PLEKHA6: variants seen among roughly 807,000 people sequenced by gnomAD.
PLEKHA6 encodes pleckstrin homology domain-containing family A member 6.
PLEKHA6 carries 60 observed loss-of-function variants against 116.7 expected under a neutral mutation model. That is an observed-to-expected ratio of 0.51 (90% confidence interval 0.42 to 0.64). PLEKHA6 has a LOEUF of 0.64. PLEKHA6 is among the 30% of genes least tolerant of loss of function. The pLI is 0.00. For synonymous variants in PLEKHA6, 489 were observed against 556.1 expected, an observed-to-expected ratio of 0.88 and a Z score of 1.70; for missense variants, 1,338 against 1,422.7, an observed-to-expected ratio of 0.94 and a Z score of 0.96.
intron 1 of PLEKHA6, among the ~76,000 whole-genome samples, chr1:204,338,163 T>C (rs1672719104): frequency 1.3e-5 from 2 of 152,228 alleles, no homozygotes; most frequent in Non-Finnish European, 2.9e-5. Context: ...GACCCAACTA[T>C]GTCACTGTGC....
chr1:204,275,196 G>A (rs1667874721), intron 1 of PLEKHA6, among the ~76,000 whole-genome samples: 1 of 152,002 alleles, frequency 6.6e-6, no homozygotes, highest in Admixed American at 6.5e-5. Flanking sequence ...CTGCCAGTGA[G>A]CCACATAAAA....
intron 1 of PLEKHA6, among the ~76,000 whole-genome samples, chr1:204,344,354 C>T (rs1172988249): frequency 2.0e-5 from 3 of 152,092 alleles, no homozygotes; most frequent in Non-Finnish European, 2.9e-5. Flanking sequence ...AATCCTAGCA[C>T]TTTGGGAGGC....
At chr1:204,342,990 T>C (rs1672900047) in intron 1 of PLEKHA6, among the ~76,000 whole-genome samples, 1 of 152,208 alleles carries the variant, frequency 6.6e-6, no homozygotes, top group African/African-American at 2.4e-5. Flanking sequence ...TGAGAGTTCA[T>C]GTGTGTTTGG....
intron 1 of PLEKHA6, among the ~76,000 whole-genome samples, chr1:204,291,458 C>T (rs1019872941): frequency 1.3e-5 from 2 of 152,208 alleles, no homozygotes; most frequent in Non-Finnish European, 2.9e-5. Context: ...CATATGTCCA[C>T]ACAACGACTT....
intron 1 of PLEKHA6, among the ~76,000 whole-genome samples, chr1:204,342,769 T>C (rs1343818273): frequency 6.6e-6 from 1 of 152,172 alleles, no homozygotes; most frequent in Middle Eastern, 3.4e-3. Context: ...GGAGCTAGAG[T>C]TGGAGGTAAG....
chr1:204,251,251 G>A (rs546026649), intron 9 of PLEKHA6, among the ~76,000 whole-genome samples: 100 of 152,286 alleles, frequency 6.6e-4, no homozygotes, highest in Non-Finnish European at 1.0e-3. Flanking sequence ...ATATGAAATC[G>A]AAATCAGAAC....
rs536128190 is a variant in PLEKHA6, at chr1:204,273,938, T to C, written c.-13-198A>G. Among the ~76,000 whole-genome samples the C allele has an allele frequency of 5.9e-5, 9 of 152,216 alleles. No homozygotes were observed. The South Asian group carries it at 1.9e-3, about 32-fold the overall frequency. On this transcript the variant is annotated intron_variant, in intron 2 of 22. Transcript: ENST00000272203. ...TATGTCAGGGATCTTGGACATTTAT[T>C]TTATTTATTTTTTGAGACAGGGTCT...
chr1:204,316,294 A>G (rs1373957856), intron 1 of PLEKHA6, among the ~76,000 whole-genome samples: 2 of 152,150 alleles, frequency 1.3e-5, no homozygotes, highest in Non-Finnish European at 2.9e-5. Context: ...TTGGGTAAGA[A>G]CCTGACTTTC....
chr1:204,360,393 CA>C (rs1360789242), upstream of PLEKHA6, among the ~76,000 whole-genome samples: 2 of 149,568 alleles, frequency 1.3e-5, no homozygotes, highest in African/African-American at 2.4e-5. Flanking sequence ...GCCCCCCCCC[CA>C]ATATGGTGAA....
chr1:204,257,776 T>C lies in PLEKHA6; in HGVS notation c.1101A>G (p.Pro367=), dbSNP rs1355972340. The stretch of plus-strand genomic sequence containing the variant: ...AACAGATGCTCTCCGGCCGCACTCC[T>C]GGCGGGTAGTACTGATAATCATCGG... ...QYPDDYQYYP[P]GVRPESICSM... The change falls in exon 9 of 23, where the codon CCA becomes CCG. Residue 367 remains proline (P), a synonymous_variant. Transcript: ENST00000272203. This position sits in a 1 kb window ranked among gnomAD's most constrained non-coding sequence, Gnocchi z 6.5. The C allele has an allele frequency of 4.3e-6, 7 of 1,614,006 alleles. No individual in the cohort carries two copies. Among genetic ancestry groups the C allele is most frequent in the Non-Finnish European group, 5.9e-6 (7 of 1,179,986 alleles).
chr1:204,244,973 G>A lies in PLEKHA6; in HGVS notation c.2063C>T (p.Ser688Phe), dbSNP rs1362827973. ...GCTGAGGGGGCTGGCCGGGCTGTTG[G>A]AGCTGTAGGTGGCTGAGGGGCCAAG... Reference protein sequence around the residue: ...GGLGPSATYSSNSPASPLSSA... With the variant: ...GGLGPSATYSFNSPASPLSSA... The change falls in exon 15 of 23, where the codon TCC becomes TTC. Residue 688 changes from serine (S) to phenylalanine (F), a missense_variant. Physicochemically the swap from Ser to Phe is radical, Grantham distance 155 (BLOSUM62 -2). This residue lies in a region of PLEKHA6 where 1,136 missense variants were observed against 1,163.6 expected (regional missense o/e 0.98). Transcript: ENST00000272203. The A allele has an allele frequency of 6.8e-7, 1 of 1,461,384 alleles. No homozygotes were observed. Among genetic ancestry groups the A allele is most frequent in the Non-Finnish European group, 9.0e-7 (1 of 1,105,742 alleles). The allele number at this position is 1,461,384 out of a possible 1,614,324, so 90.5% of individuals were successfully genotyped here.
At chr1:204,230,746 A>C (rs1048303103) in intron 17 of PLEKHA6, among the ~76,000 whole-genome samples, 160 bp from the exon 18 acceptor site, 1 of 152,210 alleles carries the variant, frequency 6.6e-6, no homozygotes, top group Non-Finnish European at 1.5e-5. Flanking sequence ...CAGGTATCTG[A>C]GAGTGTAACC....
chr1:204,375,371 C>G (rs1673850759), intron 1 of PLEKHA6, among the ~76,000 whole-genome samples: 1 of 152,118 alleles, frequency 6.6e-6, no homozygotes, highest in African/African-American at 2.4e-5. Context: ...TACTCCTGAC[C>G]TCTGTCAACT....
intron 1 of PLEKHA6, among the ~76,000 whole-genome samples, chr1:204,373,779 G>A (rs1673819490): frequency 6.6e-6 from 1 of 152,134 alleles, no homozygotes; most frequent in Non-Finnish European, 1.5e-5. Flanking sequence ...GCTACAGGAA[G>A]AGATCTCCCA....
chr1:204,338,359 G>A (rs16853443), intron 1 of PLEKHA6, among the ~76,000 whole-genome samples: 3,674 of 152,266 alleles, frequency 0.024, 138 homozygotes, highest in African/African-American at 0.084. Context: ...TCTGTTAAAT[G>A]CACATACAAA....
chr1:204,351,301 C>T (rs1673274146), intron 1 of PLEKHA6, among the ~76,000 whole-genome samples: 1 of 152,198 alleles, frequency 6.6e-6, no homozygotes. Flanking sequence ...GCTCCCCCAA[C>T]TTGGGCATGA....
At chr1:204,239,354 C>T (rs1189794559) in intron 17 of PLEKHA6, among the ~76,000 whole-genome samples, 1 of 152,206 alleles carries the variant, frequency 6.6e-6, no homozygotes, top group Non-Finnish European at 1.5e-5. Context: ...CTTGATATGG[C>T]ACGATTCCTT....
intron 1 of PLEKHA6, among the ~76,000 whole-genome samples, chr1:204,292,258 C>A (rs1156260509): frequency 6.6e-6 from 1 of 152,194 alleles, no homozygotes; most frequent in East Asian, 1.9e-4. Flanking sequence ...TCATTTGGTT[C>A]TTTTATGGTC....
chr1:204,241,376 T>C lies in PLEKHA6; in HGVS notation c.2408A>G (p.Gln803Arg). The change falls in exon 17 of 23, where the codon CAG becomes CGG. Residue 803 changes from glutamine to arginine, a missense_variant and splice_region_variant. Coordinates refer to ENST00000272203, the MANE Select transcript of PLEKHA6 (RefSeq NM_014935.5). ...GCATGAGCTTGCAGAGGTACCCACCTGGGAGGAGAGTCCATTGGTGAGCCC... is the reference window on the plus strand; with the variant it reads ...GCATGAGCTTGCAGAGGTACCCACCCGGGAGGAGAGTCCATTGGTGAGCCC... ...ASGLTNGLSS[Q>R]ERPKSAVFPG... 1 of 1,599,880 alleles carries C rather than the reference T, an allele frequency of 6.3e-7. No homozygotes were observed. The highest frequency in any genetic ancestry group is 1.1e-5 in the South Asian group (1 of 90,096).
Sources: gnomAD v4.1 joint callset for allele counts (sites outside exome capture counted in the v4.1 genomes callset) on GRCh38, gnomAD v4.1.1 for gene constraint, gnomAD v4.1.1 regional missense constraint, Gnocchi (gnomAD v3.1) non-coding constraint, MANE v1.5 for transcripts, NCBI Gene and HGNC (gene_info 2026-07-23, HGNC 2026-07-21) for gene names.